The following PCLO variants were observed in gnomAD, a reference collection of about 807,000 sequenced individuals.
The protein encoded by PCLO is piccolo presynaptic cytomatrix protein, also known as protein piccolo.
PCLO carries 82 observed loss-of-function variants against 427.5 expected under a neutral mutation model. That is an observed-to-expected ratio of 0.19 (90% confidence interval 0.16 to 0.23). The LOEUF is 0.23. Ranked by LOEUF, PCLO falls within the 10% of genes least tolerant of loss-of-function variation. The probability of loss-of-function intolerance (pLI) is 1.00; values close to 1 mark genes in which losing one functional copy is unlikely to be tolerated. For synonymous variants in PCLO, 2,357 were observed against 2,155.4 expected (o/e 1.09, Z -2.59); for missense variants, 6,239 against 6,115.9 (o/e 1.02, Z -0.67).
intron 3 of PCLO, among the ~76,000 whole-genome samples, chr7:83,073,856 T>C (rs1001937295): frequency 1.3e-5 from 2 of 151,308 alleles, no homozygotes; most frequent in African/African-American, 4.8e-5. Flanking sequence ...ATTGAAATCA[T>C]GATCATGCAA....
intron 10 of PCLO, among the ~76,000 whole-genome samples, chr7:82,873,604 C>A (rs1793294396): frequency 6.6e-6 from 1 of 152,110 alleles, no homozygotes; most frequent in African/African-American, 2.4e-5. Context: ...GCAAATGAAT[C>A]ACAAACAGGC....
At chr7:83,104,790 T>G (rs1790814376) in intron 3 of PCLO, among the ~76,000 whole-genome samples, 1 of 152,110 alleles carries the variant, frequency 6.6e-6, no homozygotes, top group Non-Finnish European at 1.5e-5. Context: ...AAGAAAGAAG[T>G]GACACAACTA....
intron 16 of PCLO, among the ~76,000 whole-genome samples, chr7:82,828,483 T>C (rs553237977): frequency 3.3e-4 from 50 of 152,302 alleles, no homozygotes; most frequent in African/African-American, 1.1e-3. Context: ...GTAAAGTATA[T>C]TTAATGCAGT....
intron 20 of PCLO, among the ~76,000 whole-genome samples, chr7:82,806,263 CTAGACTA>C (rs1196445676): frequency 2.6e-5 from 4 of 152,040 alleles, no homozygotes; most frequent in Non-Finnish European, 5.9e-5. Flanking sequence ...TTTCCTATTA[CTAGACTA>C]TAATCTGTTT....
In PCLO at chr7:82,915,572, G is replaced by A. The variant is rs1290166201; in HGVS notation, c.12414C>T (p.Ser4138=). ...IKQEFRRGTE[S]LDHLAGLSHY... ...GAGAAAGACCAGCAAGGTGATCTAA[G>A]CTCTCTGTCCCTCTACGAAATTCCT... is the stretch of plus-strand genomic sequence containing the variant. Residue 4138 remains serine, a synonymous_variant, in exon 7 of 25, where the codon AGC becomes AGT. Coordinates refer to ENST00000333891, the MANE Select transcript of PCLO (RefSeq NM_033026.6). 3 of 1,613,618 alleles carry A rather than the reference G, an allele frequency of 1.9e-6. No individual in the cohort carries two copies. The highest frequency in any genetic ancestry group is 2.5e-6 in the Non-Finnish European group (3 of 1,179,694).
intron 22 of PCLO, among the ~76,000 whole-genome samples, chr7:82,764,459 C>T (rs953190556): frequency 3.3e-5 from 5 of 151,878 alleles, no homozygotes; most frequent in African/African-American, 1.2e-4. Flanking sequence ...TATTATATCA[C>T]TAAACATGAG....
At chr7:83,081,534 G>A (rs1790100694) in intron 3 of PCLO, among the ~76,000 whole-genome samples, 1 of 151,810 alleles carries the variant, frequency 6.6e-6, no homozygotes, top group Non-Finnish European at 1.5e-5. Flanking sequence ...TAGACCTGAT[G>A]ATGTCTTAAA....
Position 83,038,027 on chromosome 7 carries a change from A to ATATATTTATT in PCLO, c.3301-71541_3301-71540insAATAAATATA, listed in dbSNP as rs1372279746. 2.5e-4 allele frequency among the ~76,000 whole-genome samples: 11 copies of ATATATTTATT among 44,190 alleles called. 1 individual carries two copies. The highest frequency in any genetic ancestry group is 4.0e-4 in the Non-Finnish European group (11 of 27,748). The allele number at this position is 44,190 out of a possible 152,430, so 29.0% of individuals were successfully genotyped here. ...TATATATATATATATATATATATATATATTTATATATTTATATATATATCT... is the reference window on the plus strand; with the variant it reads ...TATATATATATATATATATATATATATATATTTATTTATTTATATATTTATATATATATCT... On this transcript the variant is annotated intron_variant, in intron 3 of 24. Coordinates refer to ENST00000333891, the MANE Select transcript of PCLO (RefSeq NM_033026.6).
intron 16 of PCLO, among the ~76,000 whole-genome samples, chr7:82,830,148 G>T (rs562598055): frequency 2.0e-5 from 3 of 151,784 alleles, no homozygotes; most frequent in African/African-American, 4.8e-5. Flanking sequence ...GGGCTTCAGG[G>T]TATTATCTTT....
At chr7:83,097,657 G>A (rs577952564) in intron 3 of PCLO, among the ~76,000 whole-genome samples, 45 of 150,754 alleles carry the variant, frequency 3.0e-4, no homozygotes, top group African/African-American at 1.0e-3. Flanking sequence ...TTAAAAACTG[G>A]TTCAGCATAC....
intron 3 of PCLO, among the ~76,000 whole-genome samples, chr7:83,030,119 G>GAAAAAAAAAAAAA (rs199609017): frequency 1.1e-3 from 114 of 104,242 alleles, no homozygotes; most frequent in Middle Eastern, 0.014. Flanking sequence ...AATAATAAAA[G>GAAAAAAAAAAAAA]AAAAAAAAAA....
At chr7:83,067,949 C>A (rs1030574239) in intron 3 of PCLO, among the ~76,000 whole-genome samples, 8 of 152,330 alleles carry the variant, frequency 5.3e-5, no homozygotes, top group African/African-American at 1.9e-4. Context: ...GTTTTGTTTA[C>A]CTTCTAAGTT....
intron 3 of PCLO, among the ~76,000 whole-genome samples, chr7:83,113,065 AAGCT>A (rs1289944562): frequency 7.2e-5 from 11 of 152,206 alleles, no homozygotes; most frequent in Middle Eastern, 3.2e-3. Flanking sequence ...GTAGCTATCA[AAGCT>A]AGCATTTATT....
chr7:83,122,617 C>T (rs1562974834), intron 3 of PCLO, among the ~76,000 whole-genome samples: 1 of 151,890 alleles, frequency 6.6e-6, no homozygotes, highest in South Asian at 2.1e-4. Context: ...TGTTATTCAA[C>T]GTAGTACTGG....
chr7:83,040,566 T>C (rs902267389), intron 3 of PCLO, among the ~76,000 whole-genome samples: 2 of 152,188 alleles, frequency 1.3e-5, no homozygotes, highest in African/African-American at 4.8e-5. Context: ...TAAGGGGTCC[T>C]TCCAGCTGTC....
intron 4 of PCLO, among the ~76,000 whole-genome samples, chr7:82,958,931 C>T (rs1368749290): frequency 6.6e-6 from 1 of 152,048 alleles, no homozygotes; most frequent in Admixed American, 6.5e-5. Flanking sequence ...TAACCCTAGC[C>T]CCATCCTCCC....
At chr7:82,777,706 T>C (rs1362228142) in intron 22 of PCLO, among the ~76,000 whole-genome samples, 1 of 152,162 alleles carries the variant, frequency 6.6e-6, no homozygotes, top group African/African-American at 2.4e-5. Context: ...ACTAGCTATA[T>C]ACAGAAGATT....
At chr7:82,887,147 T>A (rs1273259707) in intron 9 of PCLO, among the ~76,000 whole-genome samples, 1 of 152,106 alleles carries the variant, frequency 6.6e-6, no homozygotes, top group Non-Finnish European at 1.5e-5. Flanking sequence ...ACATTTTGAG[T>A]TACGTACTAT....
intron 2 of PCLO, among the ~76,000 whole-genome samples, chr7:83,150,763 C>T (rs943740861): frequency 6.6e-6 from 1 of 152,118 alleles, no homozygotes; most frequent in African/African-American, 2.4e-5. Context: ...GTATCTATTT[C>T]ACCCATACAT....
Sources: allele counts gnomAD v4.1 joint callset (sites outside exome capture counted in the v4.1 genomes callset), GRCh38; gene constraint gnomAD v4.1.1; transcripts MANE v1.5; gene names NCBI Gene and HGNC (gene_info 2026-07-23, HGNC 2026-07-21).